Variants in RFX3 observed in about 807,000 individuals in gnomAD.
The protein encoded by RFX3 is regulatory factor X3.
Under a neutral mutation model 98.6 loss-of-function variants are expected in RFX3, and 14 were observed. The observed-to-expected ratio is 0.14, with a 90% CI of 0.09 to 0.22. The LOEUF is 0.22. RFX3 is among the 10% of genes least tolerant of loss of function. RFX3 has a pLI of 1.00. For synonymous variants in RFX3, 383 were observed against 328.4 expected (o/e 1.17, Z -1.80); for missense variants, 639 against 926.9 (o/e 0.69, Z 4.03).
chr9:3,469,282 A>G, intron 1 of RFX3: 1 of 352,300 alleles, frequency 2.8e-6, no homozygotes, highest in South Asian at 2.3e-5. Flanking sequence ...ATACTATTTC[A>G]TATACATTAT....
At chr9:3,459,919 T>C (rs1328420990) in intron 1 of RFX3, among the ~76,000 whole-genome samples, 1 of 152,082 alleles carries the variant, frequency 6.6e-6, no homozygotes, top group East Asian at 1.9e-4. Context: ...CCATGGATGG[T>C]GAGAGTATGG....
At chr9:3,240,768 A>C (rs1398767276) in intron 15 of RFX3, among the ~76,000 whole-genome samples, 8 of 152,138 alleles carry the variant, frequency 5.3e-5, no homozygotes, top group Non-Finnish European at 5.9e-5. Context: ...CACTATCTTC[A>C]CCTGTGGTTG....
At chr9:3,296,710 G>C (rs1484097612) in intron 5 of RFX3, among the ~76,000 whole-genome samples, 1 of 152,104 alleles carries the variant, frequency 6.6e-6, no homozygotes, top group Non-Finnish European at 1.5e-5. Context: ...GATGCCTGGA[G>C]AGCAGGTTGA....
chr9:3,396,394 T>G (rs1002185841), intron 1 of RFX3, among the ~76,000 whole-genome samples: 55 of 152,340 alleles, frequency 3.6e-4, no homozygotes, highest in African/African-American at 1.3e-3. Context: ...GGCTGCATAG[T>G]ATTCCATGGT....
chr9:3,225,453 T>A (rs1453342800), intron 16 of RFX3, among the ~76,000 whole-genome samples, 173 bp from the exon 17 acceptor site: 2 of 152,222 alleles, frequency 1.3e-5, no homozygotes, highest in African/African-American at 4.8e-5. Flanking sequence ...ATATCAATGC[T>A]GTACTGATGC....
At chr9:3,475,361 T>C (rs1849145294) in intron 1 of RFX3, among the ~76,000 whole-genome samples, 2 of 150,574 alleles carry the variant, frequency 1.3e-5, no homozygotes, top group African/African-American at 2.4e-5. Flanking sequence ...AGACCGGTAG[T>C]GGCCCCGAAT....
At chr9:3,255,626 C>G (rs1347441882) in intron 14 of RFX3, among the ~76,000 whole-genome samples, 1 of 152,142 alleles carries the variant, frequency 6.6e-6, no homozygotes, top group Admixed American at 6.5e-5. Context: ...TATAATTTAC[C>G]CAACTTATGG....
At chr9:3,375,397 C>T (rs906235506) in intron 2 of RFX3, among the ~76,000 whole-genome samples, 3 of 152,198 alleles carry the variant, frequency 2.0e-5, no homozygotes, top group African/African-American at 7.2e-5. Flanking sequence ...CTGTCCATGG[C>T]ATGCTGCGGC....
intron 1 of RFX3, chr9:3,420,787 C>T: frequency 3.0e-6 from 3 of 985,106 alleles, no homozygotes; most frequent in Non-Finnish European, 3.6e-6. Flanking sequence ...TACTTCCTTA[C>T]CTCCATTCAT....
At chr9:3,457,509 C>A (rs570003218) in intron 1 of RFX3, among the ~76,000 whole-genome samples, 1 of 152,108 alleles carries the variant, frequency 6.6e-6, no homozygotes, top group Non-Finnish European at 1.5e-5. Context: ...AGTTCCATAA[C>A]TCTGCTTTCA....
intron 1 of RFX3, among the ~76,000 whole-genome samples, chr9:3,477,836 T>G (rs1849404717): frequency 6.6e-6 from 1 of 152,190 alleles, no homozygotes; most frequent in African/African-American, 2.4e-5. Flanking sequence ...CTCTGTTCAT[T>G]TTTCTTTCTG....
In RFX3 at chr9:3,484,963, T is replaced by C. The variant is rs187312699; in HGVS notation, c.-9+40784A>G. On this transcript the variant is annotated intron_variant, in intron 1 of 16. Coordinates refer to ENST00000617270, the MANE Select transcript of RFX3 (RefSeq NM_001282116.2). The stretch of plus-strand genomic sequence containing the variant: ...GAAAAGGAAAAAAAAAAGCTGGGCA[T>C]GATGACACACCTCTAGTCCTAGCTA... 2.2e-5 allele frequency among the ~76,000 whole-genome samples: 3 copies of C among 134,922 alleles called. No individual in the cohort carries two copies. In the Admixed American group the frequency reaches 2.4e-4, roughly 11 times the overall value. 88.5% of individuals were successfully genotyped at this position (134,922 alleles called of 152,430 possible).
At chr9:3,300,622 A>G (rs2130030924) in intron 5 of RFX3, among the ~76,000 whole-genome samples, 1 of 152,030 alleles carries the variant, frequency 6.6e-6, no homozygotes, top group East Asian at 1.9e-4. Flanking sequence ...ATAAGAAGTC[A>G]TAATACTTTA....
chr9:3,369,878 G>C (rs569695727), intron 2 of RFX3, among the ~76,000 whole-genome samples: 1 of 152,240 alleles, frequency 6.6e-6, no homozygotes, highest in South Asian at 2.1e-4. Flanking sequence ...CGCCCAGGCT[G>C]GAGTGCGGTG....
At chr9:3,356,685 T>G (rs917273893) in intron 2 of RFX3, among the ~76,000 whole-genome samples, 1 of 151,858 alleles carries the variant, frequency 6.6e-6, no homozygotes, top group African/African-American at 2.4e-5. Flanking sequence ...AAAAGAATAC[T>G]ACAAACTAAT....
chr9:3,380,590 C>T (rs1839078457), intron 2 of RFX3, among the ~76,000 whole-genome samples: 1 of 152,164 alleles, frequency 6.6e-6, no homozygotes, highest in Non-Finnish European at 1.5e-5. Context: ...TCACCTACAT[C>T]TCATTAGATC....
chr9:3,310,564 G>A (rs1041066234), intron 4 of RFX3, among the ~76,000 whole-genome samples: 1 of 152,108 alleles, frequency 6.6e-6, no homozygotes, highest in African/African-American at 2.4e-5. Flanking sequence ...TTTGAAAATG[G>A]AATAGTACAA....
chr9:3,464,523 T>C (rs1167804853), intron 1 of RFX3, among the ~76,000 whole-genome samples: 2 of 152,206 alleles, frequency 1.3e-5, no homozygotes, highest in African/African-American at 4.8e-5. Flanking sequence ...AAAAACTACA[T>C]ACTGCGTGAT....
chr9:3,445,409 G>A (rs914366916), intron 1 of RFX3, among the ~76,000 whole-genome samples: 18 of 152,086 alleles, frequency 1.2e-4, no homozygotes, highest in Admixed American at 1.2e-3. Context: ...AATACTTCAA[G>A]ATAGCTATTT....
Sources: gnomAD v4.1 joint callset for allele counts (sites outside exome capture counted in the v4.1 genomes callset) on GRCh38, gnomAD v4.1.1 for gene constraint, MANE v1.5 for transcripts, NCBI Gene and HGNC (gene_info 2026-07-23, HGNC 2026-07-21) for gene names.